The following CFAP100 variants were observed in gnomAD, a reference collection of about 807,000 sequenced individuals.
CFAP100 encodes cilia and flagella associated protein 100.
In CFAP100, 70 loss-of-function variants were observed where a neutral mutation model predicts 81.5. That is an observed-to-expected ratio of 0.86 (90% CI 0.71 to 1.05). The LOEUF (loss-of-function observed/expected upper bound fraction) is 1.05. CFAP100 is among the 50% of genes least tolerant of loss of function. The probability of loss-of-function intolerance (pLI) is 0.00; values close to 1 mark genes in which losing one functional copy is unlikely to be tolerated. For missense variants in CFAP100, 811 were observed against 776.5 expected (o/e 1.04, Z -0.53); for synonymous variants, 341 against 314.8 (o/e 1.08, Z -0.88).
Position 126,419,998 on chromosome 3 carries a change from A to G in CFAP100, c.932A>G (p.Lys311Arg). ...CCTGCAGGACCAGGGATCAAGGGCA[A>G]GGCGAGCTCCATGTGGGCCAAAGGT... The part of the protein sequence containing the change: ...PGDKGPGIKG[K>R]ASSMWAKEGQ... The change falls in exon 10 of 17, where the codon AAG becomes AGG. Residue 311 changes from lysine to arginine, a missense_variant. Physicochemically the swap from Lys to Arg is conservative, Grantham distance 26. Coordinates refer to ENST00000352312, the MANE Select transcript of CFAP100 (RefSeq NM_182628.3). 1 of 1,613,142 alleles carries G rather than the reference A, an allele frequency of 6.2e-7. No individual in the cohort carries two copies. Among genetic ancestry groups the G allele is most frequent in the East Asian group, 2.2e-5 (1 of 44,880 alleles).
At chr3:126,423,147 T>C (rs1440731605) in intron 11 of CFAP100, among the ~76,000 whole-genome samples, 178 bp from the exon 12 acceptor site, 3 of 152,182 alleles carry the variant, frequency 2.0e-5, no homozygotes, top group African/African-American at 7.2e-5. Flanking sequence ...ATCCCCTGGC[T>C]GCAGTGTGGC....
intron 2 of CFAP100, among the ~76,000 whole-genome samples, chr3:126,396,309 G>T (rs1274275735): frequency 6.6e-6 from 1 of 152,140 alleles, no homozygotes; most frequent in Non-Finnish European, 1.5e-5. Context: ...TGTCCAAAAG[G>T]CTAGGTCCCT....
chr3:126,431,682 C>T (rs539517331), intron 13 of CFAP100, among the ~76,000 whole-genome samples: 27 of 152,210 alleles, frequency 1.8e-4, no homozygotes, highest in Admixed American at 1.0e-3. Flanking sequence ...CTGGTTGTAT[C>T]GTTAAATTCT....
chr3:126,435,079 A>G (rs11926148), intron 15 of CFAP100, among the ~76,000 whole-genome samples: 8,566 of 152,230 alleles, frequency 0.056, 327 homozygotes, highest in Non-Finnish European at 0.084. Context: ...CCCCCCAAGC[A>G]CAGGGGCTTC....
chr3:126,397,496 TGAA>T (rs1387290384), intron 2 of CFAP100, among the ~76,000 whole-genome samples: 1 of 152,224 alleles, frequency 6.6e-6, no homozygotes, highest in East Asian at 1.9e-4. Context: ...ACAAGACAGT[TGAA>T]GGACATGTAA....
chr3:126,428,824 TG>T (rs1199433244), intron 13 of CFAP100, among the ~76,000 whole-genome samples: 3 of 152,122 alleles, frequency 2.0e-5, no homozygotes, highest in African/African-American at 7.2e-5. Context: ...AAAGGATTGC[TG>T]GCTGGGTGTG....
chr3:126,434,289 C>G lies in CFAP100; in HGVS notation c.1536C>G (p.His512Gln), dbSNP rs1560083066. Residue 512 changes from histidine (H) to glutamine (Q), a missense_variant, in exon 15 of 17, where the codon CAC becomes CAG. His to Gln is a conservative substitution (Grantham distance 24, BLOSUM62 0). Coordinates refer to ENST00000352312, the MANE Select transcript of CFAP100 (RefSeq NM_182628.3). ...TGCAGATGCTGACCATCATTGAGCA[C>G]CAGCTGGATGAGCTGCTAGAGAACC... ...GTVQMLTIIE[H>Q]QLDELLENLE... 1 of 1,614,078 alleles carries G rather than the reference C, an allele frequency of 6.2e-7. No individual in the cohort carries two copies.
intron 3 of CFAP100, among the ~76,000 whole-genome samples, chr3:126,411,334 G>A (rs2083148954): frequency 7.7e-6 from 1 of 130,652 alleles, no homozygotes; most frequent in Admixed American, 7.7e-5. Flanking sequence ...CAGGGAAACT[G>A]GTCTGTAGTT....
chr3:126,417,627 G>A (rs1483129274), intron 5 of CFAP100, among the ~76,000 whole-genome samples: 1 of 152,216 alleles, frequency 6.6e-6, no homozygotes, highest in Non-Finnish European at 1.5e-5. Context: ...AGAGGCAAGT[G>A]ACTGGGGAGG....
chr3:126,416,212 T>G (rs1381758116), intron 4 of CFAP100, 104 bp from the exon 5 acceptor site: 2 of 694,724 alleles, frequency 2.9e-6, no homozygotes, highest in Non-Finnish European at 4.3e-6. Context: ...GGTCCCCGCG[T>G]CCTCGCGCGC....
rs1933303692 is a variant in CFAP100 at position 126,433,280 on chromosome 3, A to C, written c.1422+76A>C. 3.2e-6 allele frequency: 5 copies of C among 1,551,102 alleles called. No individual in the cohort carries two copies. In the Admixed American group the frequency reaches 7.0e-5, roughly 22 times the overall value. On this transcript the variant is annotated intron_variant, in intron 14 of 16. Transcript: ENST00000352312. ...GGGCACCCACTGGAGGAGCCCTGACAGCCCTTGGGAAGATGGAGGACAAGG... is the reference window on the plus strand; with the variant it reads ...GGGCACCCACTGGAGGAGCCCTGACCGCCCTTGGGAAGATGGAGGACAAGG...
In CFAP100 at chr3:126,407,299, C is replaced by T. The variant is rs759755439; in HGVS notation, c.130+47C>T. On this transcript the variant is annotated intron_variant, in intron 3 of 16. Transcript: ENST00000352312. ...TAAAGTCCAAGTTGGCAGGAGGCAACTCCTCTCCCTCTGCCCCCAGATCCC... is the reference window on the plus strand; with the variant it reads ...TAAAGTCCAAGTTGGCAGGAGGCAATTCCTCTCCCTCTGCCCCCAGATCCC... 58 of 1,269,262 alleles carry T rather than the reference C, an allele frequency of 4.6e-5. 1 individual carries two copies. The South Asian group carries it at 7.0e-4, about 15-fold the overall frequency. The allele number at this position is 1,269,262 out of a possible 1,614,324, so 78.6% of individuals were successfully genotyped here.
At chr3:126,405,594 T>C (rs1297196232) in intron 2 of CFAP100, among the ~76,000 whole-genome samples, 1 of 151,674 alleles carries the variant, frequency 6.6e-6, no homozygotes, top group Non-Finnish European at 1.5e-5. Context: ...ACCTGGGAGG[T>C]AGAGGTTGCA....
intron 4 of CFAP100, among the ~76,000 whole-genome samples, chr3:126,415,632 C>T (rs1489803917): frequency 1.3e-5 from 2 of 152,132 alleles, no homozygotes; most frequent in African/African-American, 2.4e-5. Flanking sequence ...CAGCAGGAAA[C>T]GGAAGTGACC....
chr3:126,408,852 G>A (rs928944057), intron 3 of CFAP100, among the ~76,000 whole-genome samples: 1 of 152,136 alleles, frequency 6.6e-6, no homozygotes, highest in Non-Finnish European at 1.5e-5. Context: ...GCAGTCGTTC[G>A]ATCACAGCTC....
At chr3:126,430,505 TAAAAAA>T (rs1933171134) in intron 13 of CFAP100, among the ~76,000 whole-genome samples, 1 of 152,238 alleles carries the variant, frequency 6.6e-6, no homozygotes, top group South Asian at 2.1e-4. Context: ...AAAATAAAAA[TAAAAAA>T]TACTTTGCCC....
intron 2 of CFAP100, among the ~76,000 whole-genome samples, chr3:126,406,340 C>T (rs1215916073): frequency 2.0e-5 from 3 of 152,198 alleles, no homozygotes; most frequent in Admixed American, 1.3e-4. Flanking sequence ...CCTGTCTTCC[C>T]GCTCAGTGTT....
intron 2 of CFAP100, among the ~76,000 whole-genome samples, chr3:126,404,842 T>C (rs1037440462): frequency 2.6e-5 from 4 of 152,054 alleles, no homozygotes; most frequent in Non-Finnish European, 2.9e-5. Flanking sequence ...GCCTGGTTAA[T>C]ATTTGTATTT....
intron 2 of CFAP100, among the ~76,000 whole-genome samples, chr3:126,402,858 G>T (rs570035622): frequency 6.6e-6 from 1 of 152,060 alleles, no homozygotes; most frequent in East Asian, 1.9e-4. Flanking sequence ...GAGTCCAGGT[G>T]GGGGCAATCA....
Sources: gnomAD v4.1 joint callset for allele counts (sites outside exome capture counted in the v4.1 genomes callset) on GRCh38, gnomAD v4.1.1 for gene constraint, MANE v1.5 for transcripts, NCBI Gene and HGNC (gene_info 2026-07-23, HGNC 2026-07-21) for gene names.